CCDC38: variants seen among roughly 807,000 people sequenced by gnomAD.
CCDC38 encodes the protein coiled-coil domain containing 38, also known as coiled-coil domain-containing protein 38.
In CCDC38, 69 loss-of-function variants were observed where a neutral mutation model predicts 72.8. The ratio of observed to expected loss-of-function variants is 0.95; its 90% CI spans 0.78 to 1.16. The LOEUF (loss-of-function observed/expected upper bound fraction) is 1.16. Ranked by LOEUF, CCDC38 falls within the 50% of genes most tolerant of loss-of-function variation. The pLI, the probability that CCDC38 is intolerant of heterozygous loss-of-function variation, is 0.00. For synonymous variants in CCDC38, 201 were observed against 213.2 expected (o/e 0.94, Z 0.50); for missense variants, 626 against 638.9 (o/e 0.98, Z 0.22).
intron 13 of CCDC38, among the ~76,000 whole-genome samples, chr12:95,876,801 TTC>T (rs1362799457): frequency 1.3e-5 from 2 of 152,196 alleles, no homozygotes; most frequent in African/African-American, 4.8e-5. Context: ...CCAGTTCTAC[TTC>T]TGTTTGAAAA....
chr12:95,928,898 T>G (rs2080303944), intron 2 of CCDC38, among the ~76,000 whole-genome samples: 2 of 152,212 alleles, frequency 1.3e-5, no homozygotes, highest in Non-Finnish European at 1.5e-5. Flanking sequence ...CTGCCCGTTC[T>G]CAGATCTCCA....
intron 14 of CCDC38, among the ~76,000 whole-genome samples, chr12:95,871,971 G>A (rs1238334390): frequency 3.9e-5 from 6 of 152,102 alleles, no homozygotes; most frequent in Non-Finnish European, 8.8e-5. Flanking sequence ...AGGCTAGTTT[G>A]TCCATCCCAA....
intron 10 of CCDC38, among the ~76,000 whole-genome samples, chr12:95,887,736 T>C (rs761269280): frequency 2.6e-5 from 4 of 152,196 alleles, no homozygotes; most frequent in Admixed American, 6.5e-5. Context: ...GATGATGCCA[T>C]TGGAGGAAAC....
chr12:95,908,027 C>A (rs2080031490), intron 4 of CCDC38, among the ~76,000 whole-genome samples: 1 of 152,092 alleles, frequency 6.6e-6, no homozygotes, highest in Non-Finnish European at 1.5e-5. Flanking sequence ...CTCCTCACTT[C>A]CCAGACGGGG....
chr12:95,938,056 T>C (rs1281184239), intron 1 of CCDC38, among the ~76,000 whole-genome samples: 3 of 152,232 alleles, frequency 2.0e-5, no homozygotes, highest in Non-Finnish European at 4.4e-5. Flanking sequence ...TATTATGTGC[T>C]AATATTTACT....
intron 4 of CCDC38, among the ~76,000 whole-genome samples, chr12:95,911,866 T>C (rs1416120011): frequency 6.6e-6 from 1 of 152,174 alleles, no homozygotes; most frequent in Non-Finnish European, 1.5e-5. Context: ...CATTACTGGG[T>C]ACCTACCTCC....
Position 95,869,526 on chromosome 12 carries a change from C to T in CCDC38, c.1532G>A (p.Arg511Lys). Residue 511 changes from arginine to lysine, a missense_variant, in exon 15 of 16, where the codon AGG becomes AAG. Physicochemically the swap from Arg to Lys is conservative, Grantham distance 26. Transcript: ENST00000344280. ...MKEKQRHQQE[R>K]LKAALEKAVA... ...TGCTTTTTCCAGAGCAGCTTTTAGCCTTTCCTGTTGGTGTCTTTGTTTTTC... is the reference window on the plus strand; with the variant it reads ...TGCTTTTTCCAGAGCAGCTTTTAGCTTTTCCTGTTGGTGTCTTTGTTTTTC... 6.2e-7 allele frequency: 1 copy of T among 1,613,518 alleles called. No individual in the cohort carries two copies. The highest frequency in any genetic ancestry group is 8.5e-7 in the Non-Finnish European group (1 of 1,179,818).
intron 7 of CCDC38, among the ~76,000 whole-genome samples, chr12:95,895,628 C>T (rs2079878529): frequency 6.6e-6 from 1 of 151,826 alleles, no homozygotes; most frequent in East Asian, 1.9e-4. Flanking sequence ...TGGTGGGCGC[C>T]TGTAATCCCA....
At position 95,906,351 on chromosome 12, in the gene CCDC38, TC is replaced by T. The variant is rs1287106548; in HGVS notation, c.369+35del. 4.3e-6 allele frequency: 6 copies of T among 1,391,038 alleles called. No homozygotes were observed. The African/African-American group carries it at 8.6e-5, about 20-fold the overall frequency. The allele number at this position is 1,391,038 out of a possible 1,614,324, so 86.2% of individuals were successfully genotyped here. On this transcript the variant is annotated intron_variant, in intron 5 of 15. Transcript: ENST00000344280. Reference sequence around the variant, plus strand: ...TTTGAAAACACTATGAAAGAAGTCTTCCACTTGGCTAGGGGAGAAAAGTTAT... The same window carrying T: ...TTTGAAAACACTATGAAAGAAGTCTTCACTTGGCTAGGGGAGAAAAGTTAT...
chr12:95,904,194 T>C (rs566870094), intron 5 of CCDC38, among the ~76,000 whole-genome samples: 1 of 152,328 alleles, frequency 6.6e-6, no homozygotes, highest in Non-Finnish European at 1.5e-5. Flanking sequence ...AATATGTCAA[T>C]GTTAATAATT....
chr12:95,932,661 T>C (rs2080350702), intron 2 of CCDC38, among the ~76,000 whole-genome samples: 1 of 152,194 alleles, frequency 6.6e-6, no homozygotes, highest in South Asian at 2.1e-4. Flanking sequence ...GTCATGTTTG[T>C]GGATAGAGAG....
At chr12:95,924,764 C>G (rs1460156566) in intron 2 of CCDC38, among the ~76,000 whole-genome samples, 2 of 148,760 alleles carry the variant, frequency 1.3e-5, no homozygotes, top group Non-Finnish European at 3.0e-5. Flanking sequence ...ATATGGCTAG[C>G]CAGTTTTCCC....
Position 95,883,871 on chromosome 12 carries a change from G to T in CCDC38, c.921-2317C>A, listed in dbSNP as rs554348699. Among the ~76,000 whole-genome samples, 3 of 152,316 alleles carry T rather than the reference G, an allele frequency of 2.0e-5. No homozygotes were observed. The South Asian group carries it at 6.2e-4, about 32-fold the overall frequency. On this transcript the variant is annotated intron_variant, in intron 10 of 15. Transcript: ENST00000344280. The stretch of plus-strand genomic sequence containing the variant: ...CTGTGAGCATCTAGATGCAGAAAAG[G>T]CATTTGGCAGGATTCAACACTCATT...
At chr12:95,913,410 T>C (rs2080114763) in intron 4 of CCDC38, among the ~76,000 whole-genome samples, 1 of 152,248 alleles carries the variant, frequency 6.6e-6, no homozygotes, top group African/African-American at 2.4e-5. Flanking sequence ...ATGGGATTTA[T>C]GTTGCCTCCA....
At chr12:95,901,363 A>C (rs1475194964) in intron 5 of CCDC38, among the ~76,000 whole-genome samples, 1 of 152,208 alleles carries the variant, frequency 6.6e-6, no homozygotes, top group Non-Finnish European at 1.5e-5. Flanking sequence ...GGAAACATGA[A>C]GTCTGAAATG....
chr12:95,903,416 A>T, intron 5 of CCDC38: 1 of 699,496 alleles, frequency 1.4e-6, no homozygotes, highest in South Asian at 1.5e-5. Context: ...TAGGACCTCC[A>T]GAACACTGAC....
At chr12:95,911,506 G>C (rs751552482) in intron 4 of CCDC38, among the ~76,000 whole-genome samples, 10 of 152,148 alleles carry the variant, frequency 6.6e-5, no homozygotes, top group Middle Eastern at 3.4e-3. Flanking sequence ...AAAGACAAAG[G>C]CCTAATATCC....
chr12:95,902,601 G>A (rs185641888), intron 5 of CCDC38, among the ~76,000 whole-genome samples: 1 of 152,110 alleles, frequency 6.6e-6, no homozygotes, highest in African/African-American at 2.4e-5. Context: ...ATATACCCCA[G>A]TTTGGTTACC....
intron 7 of CCDC38, among the ~76,000 whole-genome samples, chr12:95,895,957 G>A (rs1287632533): frequency 6.6e-6 from 1 of 150,866 alleles, no homozygotes; most frequent in Non-Finnish European, 1.5e-5. Flanking sequence ...TCAAGAGGCT[G>A]AGGCAGGAGA....
Sources: allele counts gnomAD v4.1 joint callset (sites outside exome capture counted in the v4.1 genomes callset), GRCh38; gene constraint gnomAD v4.1.1; transcripts MANE v1.5; gene names NCBI Gene and HGNC (gene_info 2026-07-23, HGNC 2026-07-21).